Variants in FANCC observed in about 807,000 individuals in gnomAD.
The protein encoded by FANCC is FA complementation group C.
A neutral mutation model predicts 71.3 loss-of-function variants in FANCC; 55 were observed. That is an observed-to-expected ratio of 0.77 (90% CI 0.62 to 0.97). The LOEUF (loss-of-function observed/expected upper bound fraction) is 0.97. Ranked by LOEUF, FANCC falls within the 50% of genes least tolerant of loss-of-function variation. FANCC has a pLI of 0.00. For synonymous variants in FANCC, 275 were observed against 244.9 expected (o/e 1.12, Z -1.15); for missense variants, 678 against 670.9 (o/e 1.01, Z -0.12).
In FANCC at chr9:95,274,373, T is replaced by C. The variant is rs894405188; in HGVS notation, c.-78-25004A>G. Among the ~76,000 whole-genome samples the C allele has an allele frequency of 7.2e-5, 11 of 152,318 alleles. No homozygotes were observed. In the East Asian group the frequency reaches 1.7e-3, roughly 24 times the overall value. On this transcript the variant is annotated intron_variant, in intron 1 of 14. Coordinates refer to ENST00000289081, the MANE Select transcript of FANCC (RefSeq NM_000136.3). ...ATGAACTCACCCTTTTTTATGGCTA[T>C]ATAGTATTCCATGGTGTATATGTGC...
At chr9:95,300,854 A>G (rs550956971) in intron 1 of FANCC, among the ~76,000 whole-genome samples, 7 of 152,286 alleles carry the variant, frequency 4.6e-5, no homozygotes, top group African/African-American at 1.7e-4. Flanking sequence ...TGGGGGCTGG[A>G]AAGAGAGCCA....
chr9:95,118,214 T>C (rs1354046499), intron 10 of FANCC, among the ~76,000 whole-genome samples: 3 of 152,144 alleles, frequency 2.0e-5, no homozygotes, highest in African/African-American at 7.2e-5. Flanking sequence ...AGATGGGGTT[T>C]CACCATGTTG....
intron 4 of FANCC, among the ~76,000 whole-genome samples, chr9:95,210,543 C>T (rs1324111092): frequency 1.3e-5 from 2 of 152,150 alleles, no homozygotes; most frequent in Non-Finnish European, 2.9e-5. Flanking sequence ...CACATACACA[C>T]TATATATAAT....
chr9:95,107,490 C>T (rs2071544035), intron 13 of FANCC: 2 of 614,250 alleles, frequency 3.3e-6, no homozygotes, highest in African/African-American at 1.8e-5. Context: ...ACCAAGCAGT[C>T]AGGGCACCAT....
chr9:95,107,514 C>T (rs1356025415), intron 13 of FANCC: 2 of 582,596 alleles, frequency 3.4e-6, no homozygotes, highest in Non-Finnish European at 6.1e-6. Context: ...AGGAACTGAC[C>T]TTTTTTTGTA....
At chr9:95,282,596 T>A (rs1833443027) in intron 1 of FANCC, among the ~76,000 whole-genome samples, 1 of 152,260 alleles carries the variant, frequency 6.6e-6, no homozygotes, top group African/African-American at 2.4e-5. Flanking sequence ...CTAACAAACA[T>A]TTACAGAACA....
At chr9:95,174,018 C>T (rs934797315) in intron 4 of FANCC, among the ~76,000 whole-genome samples, 2 of 152,144 alleles carry the variant, frequency 1.3e-5, no homozygotes, top group South Asian at 2.1e-4. Context: ...TAAAAATAAT[C>T]CATAAATGAG....
chr9:95,155,625 G>C (rs1830428795), intron 6 of FANCC, among the ~76,000 whole-genome samples: 1 of 151,966 alleles, frequency 6.6e-6, no homozygotes, highest in Non-Finnish European at 1.5e-5. Flanking sequence ...CTCACCCTTG[G>C]ACAGAAGACA....
At chr9:95,309,336 TACTC>T (rs1340914567) in intron 1 of FANCC, among the ~76,000 whole-genome samples, 1 of 152,200 alleles carries the variant, frequency 6.6e-6, no homozygotes, top group African/African-American at 2.4e-5. Flanking sequence ...AATAAACGGT[TACTC>T]ACTCTTACGG....
intron 7 of FANCC, among the ~76,000 whole-genome samples, chr9:95,136,709 C>G (rs564392862): frequency 1.3e-5 from 2 of 152,288 alleles, no homozygotes; most frequent in African/African-American, 4.8e-5. Context: ...GTCTTGAACT[C>G]CTGGCCTCAA....
chr9:95,301,414 G>T (rs1219367645), intron 1 of FANCC, among the ~76,000 whole-genome samples: 1 of 151,914 alleles, frequency 6.6e-6, no homozygotes, highest in Non-Finnish European at 1.5e-5. Context: ...ATTTGTTGGG[G>T]TTTTTTGTTT....
At chr9:95,182,837 G>GCTC (rs888385369) in intron 4 of FANCC, among the ~76,000 whole-genome samples, 13 of 152,140 alleles carry the variant, frequency 8.5e-5, no homozygotes, top group Admixed American at 7.9e-4. Flanking sequence ...GTGGAGGAGG[G>GCTC]AGAGGCAAGG....
chr9:95,244,623 G>A (rs995994248), intron 3 of FANCC, among the ~76,000 whole-genome samples: 16 of 134,922 alleles, frequency 1.2e-4, no homozygotes, highest in Non-Finnish European at 2.1e-4. Context: ...AGGTTGCAGT[G>A]AGCCGAGATC....
At chr9:95,231,446 C>T (rs993964861) in intron 4 of FANCC, among the ~76,000 whole-genome samples, 13 of 149,692 alleles carry the variant, frequency 8.7e-5, no homozygotes, top group African/African-American at 3.1e-4. Context: ...GCGCCTGGCC[C>T]CTCCTCTTCC....
intron 4 of FANCC, among the ~76,000 whole-genome samples, chr9:95,220,817 T>C (rs964423642): frequency 1.3e-5 from 2 of 151,914 alleles, no homozygotes; most frequent in African/African-American, 2.4e-5. Flanking sequence ...TGTATACATA[T>C]GTAACAAACC....
At chr9:95,191,516 C>G (rs1827113410) in intron 4 of FANCC, among the ~76,000 whole-genome samples, 1 of 151,630 alleles carries the variant, frequency 6.6e-6, no homozygotes, top group Non-Finnish European at 1.5e-5. Context: ...ATAGGGTGAC[C>G]ACACCTTCCA....
At chr9:95,304,749 CAAAAA>C (rs35105777) in intron 1 of FANCC, among the ~76,000 whole-genome samples, 6 of 44,498 alleles carry the variant, frequency 1.3e-4, no homozygotes, top group African/African-American at 3.7e-4. Flanking sequence ...GACTCTATCT[CAAAAA>C]AAAAAAAAAA....
At chr9:95,155,062 C>G (rs551165534) in intron 6 of FANCC, among the ~76,000 whole-genome samples, 26 of 150,172 alleles carry the variant, frequency 1.7e-4, no homozygotes, top group African/African-American at 6.1e-4. Flanking sequence ...CAAAAATTAG[C>G]TGGGTGTGGT....
chr9:95,207,750 G>A (rs1828223855), intron 4 of FANCC, among the ~76,000 whole-genome samples: 1 of 152,108 alleles, frequency 6.6e-6, no homozygotes, highest in Non-Finnish European at 1.5e-5. Flanking sequence ...GTGGCAAAAT[G>A]TTACAAAGAT....
Sources: allele counts gnomAD v4.1 joint callset (sites outside exome capture counted in the v4.1 genomes callset), GRCh38; gene constraint gnomAD v4.1.1; transcripts MANE v1.5; gene names NCBI Gene and HGNC (gene_info 2026-07-23, HGNC 2026-07-21).